The following TMEM132E variants were observed in gnomAD, a reference collection of about 807,000 sequenced individuals.
TMEM132E encodes transmembrane protein 132E.
TMEM132E carries 49 observed loss-of-function variants against 78.5 expected under a neutral mutation model. That is an observed-to-expected ratio of 0.62 (90% CI 0.50 to 0.79). The LOEUF (loss-of-function observed/expected upper bound fraction) is 0.79, where lower values mean the gene tolerates loss of function less well. Ranked by LOEUF, TMEM132E falls within the 30% of genes least tolerant of loss-of-function variation. The pLI is 0.00. For synonymous variants in TMEM132E, 715 were observed against 670.6 expected (o/e 1.07, Z -1.02); for missense variants, 1,403 against 1,470.9 (o/e 0.95, Z 0.75).
chr17:34,621,254 G>T (rs142339549), intron 1 of TMEM132E, among the ~76,000 whole-genome samples: 68 of 152,340 alleles, frequency 4.5e-4, no homozygotes, highest in African/African-American at 1.3e-3. Flanking sequence ...AGTTCTGGGG[G>T]CTGGAAGTCT....
Position 34,596,423 on chromosome 17 carries a change from C to T in TMEM132E, c.67+15280C>T, listed in dbSNP as rs112004838. On this transcript the variant is annotated intron_variant, in intron 1 of 8. Coordinates refer to ENST00000631683, the MANE Select transcript of TMEM132E (RefSeq NM_001304438.2). ...GGACTCTAGCTCAGGAGACGGTGTC[C>T]TCTACTCCCCCTGGGCCCTAATCCT... Among the ~76,000 whole-genome samples, 255 of 152,256 alleles carry T rather than the reference C, an allele frequency of 1.7e-3. 1 individual carries two copies. The highest frequency in any genetic ancestry group is 5.7e-3 in the African/African-American group (236 of 41,538).
At chr17:34,591,655 T>C (rs1905873477) in intron 1 of TMEM132E, among the ~76,000 whole-genome samples, 1 of 152,200 alleles carries the variant, frequency 6.6e-6, no homozygotes, top group South Asian at 2.1e-4. Context: ...TCCTCATTCC[T>C]CATCCAACAG....
chr17:34,600,156 GA>G (rs1441689313), intron 1 of TMEM132E, among the ~76,000 whole-genome samples: 1 of 152,196 alleles, frequency 6.6e-6, no homozygotes, highest in East Asian at 1.9e-4. Context: ...CTAGGACCCA[GA>G]ATCCAAGATA....
chr17:34,635,091 G>A lies in TMEM132E; in HGVS notation c.1977+4G>A, dbSNP rs1303530852. 1 of 1,607,218 alleles carries A rather than the reference G, an allele frequency of 6.2e-7. No individual in the cohort carries two copies. Among genetic ancestry groups the A allele is most frequent in the Non-Finnish European group, 8.5e-7 (1 of 1,176,362 alleles). ...GCCAGGCACCACCCCCTTTAAGGTA[G>A]GTATGGGCTCTGTCCCAGCACAAAG... On this transcript the variant is annotated splice_donor_region_variant and intron_variant, in intron 7 of 8. Coordinates refer to ENST00000631683, the MANE Select transcript of TMEM132E (RefSeq NM_001304438.2).
chr17:34,637,872 C>T lies in TMEM132E; in HGVS notation c.2865C>T (p.Gly955=). 2 of 1,608,448 alleles carry T rather than the reference C, an allele frequency of 1.2e-6. No homozygotes were observed. The highest frequency in any genetic ancestry group is 8.5e-7 in the Non-Finnish European group (1 of 1,178,792). ...RVQGELSPPA[G]NPLETVPAFC... ...AAGGAGAGCTGTCGCCGCCAGCAGGCAACCCGCTGGAAACCGTGCCCGCCT... is the reference window on the plus strand; with the variant it reads ...AAGGAGAGCTGTCGCCGCCAGCAGGTAACCCGCTGGAAACCGTGCCCGCCT... Residue 955 remains glycine, a synonymous_variant, in exon 9 of 9, where the codon GGC becomes GGT. Coordinates refer to ENST00000631683, the MANE Select transcript of TMEM132E (RefSeq NM_001304438.2).
Sources: allele counts gnomAD v4.1 joint callset (sites outside exome capture counted in the v4.1 genomes callset), GRCh38; gene constraint gnomAD v4.1.1; transcripts MANE v1.5; gene names NCBI Gene and HGNC (gene_info 2026-07-23, HGNC 2026-07-21).